RASSF2: variants seen among roughly 807,000 people sequenced by gnomAD.
The protein encoded by RASSF2 is Ras association domain family member 2, also known as ras association domain-containing protein 2.
Under a neutral mutation model 46.3 loss-of-function variants are expected in RASSF2, and 34 were observed. The ratio of observed to expected loss-of-function variants is 0.73; its 90% confidence interval spans 0.56 to 0.98. The LOEUF (loss-of-function observed/expected upper bound fraction) is 0.98. RASSF2 is among the 50% of genes least tolerant of loss of function. The probability of loss-of-function intolerance (pLI) is 0.00; values close to 1 mark genes in which losing one functional copy is unlikely to be tolerated. For missense variants in RASSF2, 364 were observed against 431.2 expected (o/e 0.84, Z 1.38); for synonymous variants, 158 against 162.5 (o/e 0.97, Z 0.21).
intron 2 of RASSF2, among the ~76,000 whole-genome samples, chr20:4,805,379 C>T (rs1467146484): frequency 1.3e-5 from 2 of 151,942 alleles, no homozygotes; most frequent in Non-Finnish European, 2.9e-5. Context: ...GAGGAAGGGG[C>T]CATGAACCTT....
intron 2 of RASSF2, among the ~76,000 whole-genome samples, chr20:4,809,580 T>A (rs577837829): frequency 6.6e-6 from 1 of 151,658 alleles, no homozygotes; most frequent in African/African-American, 2.4e-5. Context: ...AGCCTGTGCC[T>A]CTCCTGCACC....
At chr20:4,819,915 G>A (rs1451383203) in intron 2 of RASSF2, among the ~76,000 whole-genome samples, 2 of 152,178 alleles carry the variant, frequency 1.3e-5, no homozygotes, top group East Asian at 3.9e-4. Context: ...CTCTGGTTCT[G>A]CCACAGCTGC....
In RASSF2 at chr20:4,809,098, G is replaced by A. The variant is rs926960499; in HGVS notation, c.-32-8036C>T. ...CCTCTGACACTGGCTTCATGCTTTG[G>A]CAGAATGTTCCAAATTCTCCTCAGC... is the stretch of plus-strand genomic sequence containing the variant. On this transcript the variant is annotated intron_variant, in intron 2 of 11. Coordinates refer to ENST00000379400, the MANE Select transcript of RASSF2 (RefSeq NM_014737.3). 3.3e-5 allele frequency among the ~76,000 whole-genome samples: 5 copies of A among 152,144 alleles called. No individual in the cohort carries two copies. In the East Asian group the frequency reaches 9.6e-4, roughly 29 times the overall value.
Position 4,788,228 on chromosome 20 carries a change from TG to T in RASSF2, c.679del (p.His227IlefsTer9). On this transcript the variant is annotated frameshift_variant, in exon 9 of 12. Coordinates refer to ENST00000379400, the MANE Select transcript of RASSF2 (RefSeq NM_014737.3). LOFTEE classifies it high-confidence loss of function. ...SAEEFALYVV[H>X]TSGEKQKLKA... The stretch of plus-strand genomic sequence containing the variant: ...GTCTTCAGACTTACCACCACTCGTA[TG>T]GACCACGTACAAGGCAAACTCCTCT... The T allele has an allele frequency of 6.2e-7, 1 of 1,602,318 alleles. No homozygotes were observed. The highest frequency in any genetic ancestry group is 8.6e-7 in the Non-Finnish European group (1 of 1,169,220).
At position 4,789,608 on chromosome 20, in the gene RASSF2, G is replaced by T; in HGVS notation, c.627C>A (p.Leu209=). 1 of 1,614,076 alleles carries T rather than the reference G, an allele frequency of 6.2e-7. No individual in the cohort carries two copies. Among genetic ancestry groups the T allele is most frequent in the South Asian group, 1.1e-5 (1 of 91,074 alleles). The part of the protein sequence containing the change: ...MTTPQVLKLL[L]NKFKIENSAE... ...AAAGGGAACTTGCCTTAAATTTGTT[G>T]AGCAGCAGCTTCAGGACCTGTGGGG... Residue 209 remains leucine, a synonymous_variant, in exon 8 of 12, where the codon CTC becomes CTA. Transcript: ENST00000379400.
At chr20:4,817,284 TC>T (rs1928393197) in intron 2 of RASSF2, among the ~76,000 whole-genome samples, 1 of 152,124 alleles carries the variant, frequency 6.6e-6, no homozygotes, top group Admixed American at 6.5e-5. Context: ...GCGAGGGACA[TC>T]CCCATACACA....
At chr20:4,788,417 G>A (rs777366726) in intron 8 of RASSF2, 149 bp from the exon 9 acceptor site, 9 of 681,000 alleles carry the variant, frequency 1.3e-5, no homozygotes, top group Non-Finnish European at 2.3e-5. Context: ...CAGAAGTGAT[G>A]AGAAGATCGA....
In RASSF2 at chr20:4,780,385, C is replaced by G. The variant is rs1381941780; in HGVS notation, c.*3888G>C. 1 of 152,164 alleles carries G rather than the reference C, an allele frequency of 6.6e-6. No individual in the cohort carries two copies. The highest frequency in any genetic ancestry group is 1.5e-5 in the Non-Finnish European group (1 of 68,034). 9.4% of individuals were successfully genotyped at this position (152,164 alleles called of 1,614,324 possible). On this transcript the variant is annotated 3_prime_UTR_variant, in exon 12 of 12. Transcript: ENST00000379400. Reference sequence around the variant, plus strand: ...TGTGCATCTTGTGCTCAGTTAAATACAGTTAAAACACAAGGGGCGCTTCAA... The same window carrying G: ...TGTGCATCTTGTGCTCAGTTAAATAGAGTTAAAACACAAGGGGCGCTTCAA...
At position 4,812,090 on chromosome 20, in the gene RASSF2, G is replaced by C. The variant is rs1476422039; in HGVS notation, c.-33+10239C>G. On this transcript the variant is annotated intron_variant, in intron 2 of 11. Transcript: ENST00000379400. The surrounding 1 kb of genome is among the most constrained non-coding windows in gnomAD (Gnocchi z 4.0). Reference sequence around the variant, plus strand: ...CAGCCCCATTGCACCACACGAGGAAGGAGACTTGAGCTGCGGGCTGGGGCC... The same window carrying C: ...CAGCCCCATTGCACCACACGAGGAACGAGACTTGAGCTGCGGGCTGGGGCC... Among the ~76,000 whole-genome samples the C allele has an allele frequency of 6.6e-6, 1 of 152,198 alleles. No individual in the cohort carries two copies.
chr20:4,805,769 G>A (rs536012900), intron 2 of RASSF2, among the ~76,000 whole-genome samples: 2 of 152,188 alleles, frequency 1.3e-5, no homozygotes, highest in African/African-American at 4.8e-5. Flanking sequence ...GAGGAAAGTC[G>A]TGATGTGGAA....
At chr20:4,811,543 G>A (rs572631449) in intron 2 of RASSF2, among the ~76,000 whole-genome samples, 7 of 137,768 alleles carry the variant, frequency 5.1e-5, no homozygotes, top group African/African-American at 1.9e-4. Flanking sequence ...ACCACCATAG[G>A]TATTTCAAAG....
intron 1 of RASSF2, among the ~76,000 whole-genome samples, chr20:4,822,874 T>C (rs1427673333): frequency 6.6e-6 from 1 of 152,008 alleles, no homozygotes; most frequent in East Asian, 1.9e-4. Context: ...TCCAGGGCTG[T>C]CAGGCCCTCC....
intron 3 of RASSF2, among the ~76,000 whole-genome samples, chr20:4,800,395 A>G (rs919375759): frequency 6.6e-6 from 1 of 152,164 alleles, no homozygotes; most frequent in Admixed American, 6.5e-5. Context: ...TGGCTTCTAA[A>G]GAACAGAAAT....
At chr20:4,821,473 T>C (rs1215826282) in intron 2 of RASSF2, among the ~76,000 whole-genome samples, 1 of 152,222 alleles carries the variant, frequency 6.6e-6, no homozygotes, top group African/African-American at 2.4e-5. Context: ...CCTGGTCTCC[T>C]CTCAGCCAGG....
chr20:4,797,925 T>G (rs908720943), intron 4 of RASSF2, 85 bp downstream of exon 4: 4 of 1,571,150 alleles, frequency 2.5e-6, no homozygotes, highest in Non-Finnish European at 3.5e-6. Flanking sequence ...AGGGTTCTCT[T>G]GGGACCTCAG....
chr20:4,797,213 G>T (rs912794891), intron 4 of RASSF2, among the ~76,000 whole-genome samples: 3 of 152,128 alleles, frequency 2.0e-5, no homozygotes, highest in African/African-American at 7.2e-5. Context: ...ACAGGATTTT[G>T]TCTAAGTGGA....
At position 4,780,024 on chromosome 20, in the gene RASSF2, C is replaced by G. The variant is rs1924644717; in HGVS notation, c.*4249G>C. The G allele has an allele frequency of 6.5e-6, 1 of 152,768 alleles. No homozygotes were observed. The highest frequency in any genetic ancestry group is 2.4e-5 in the African/African-American group (1 of 41,440). The allele number at this position is 152,768 out of a possible 1,614,324, so 9.5% of individuals were successfully genotyped here. ...ACACAGACCCATCCACGGGGCACAT[C>G]TCTTTGAAAAGTGCTTTATTTCAGT... On this transcript the variant is annotated 3_prime_UTR_variant, in exon 12 of 12. Transcript: ENST00000379400.
intron 11 of RASSF2, among the ~76,000 whole-genome samples, chr20:4,785,155 C>CAAAAAAAAAAAAAAAA (rs11454727): frequency 1.1e-5 from 1 of 92,570 alleles, no homozygotes; most frequent in Non-Finnish European, 2.1e-5. Flanking sequence ...ACTAAAAATA[C>CAAAAAAAAAAAAAAAA]AAAAAAAAAA....
At chr20:4,809,484 C>T (rs1325062743) in intron 2 of RASSF2, among the ~76,000 whole-genome samples, 5 of 152,130 alleles carry the variant, frequency 3.3e-5, no homozygotes, top group Non-Finnish European at 5.9e-5. Context: ...CAGCACAGCA[C>T]GTACCCCACA....
Sources: gnomAD v4.1 joint callset for allele counts (sites outside exome capture counted in the v4.1 genomes callset) on GRCh38, gnomAD v4.1.1 for gene constraint, Gnocchi (gnomAD v3.1) non-coding constraint, MANE v1.5 for transcripts, NCBI Gene and HGNC (gene_info 2026-07-23, HGNC 2026-07-21) for gene names.